Variants in ADAMTS20 observed in about 807,000 individuals in gnomAD.
ADAMTS20 encodes the protein ADAM metallopeptidase with thrombospondin type 1 motif 20, also known as A disintegrin and metalloproteinase with thrombospondin motifs 20.
A neutral mutation model predicts 260.1 loss-of-function variants in ADAMTS20; 225 were observed. The ratio of observed to expected loss-of-function variants is 0.87; its 90% CI spans 0.78 to 0.97. The LOEUF (loss-of-function observed/expected upper bound fraction) is 0.97. Among genes scored for constraint, ADAMTS20 ranks in the 50% least tolerant of loss-of-function variants. The probability of loss-of-function intolerance (pLI) is 0.00; values close to 1 mark genes in which losing one functional copy is unlikely to be tolerated. For synonymous variants in ADAMTS20, 802 were observed against 769.5 expected (o/e 1.04, Z -0.70); for missense variants, 2,400 against 2,337.7 (o/e 1.03, Z -0.55).
Position 43,439,623 on chromosome 12 carries a change from T to C in ADAMTS20, c.2592A>G (p.Gln864=). 6.2e-7 allele frequency: 1 copy of C among 1,603,792 alleles called. No individual in the cohort carries two copies. The highest frequency in any genetic ancestry group is 8.5e-7 in the Non-Finnish European group (1 of 1,177,158). Residue 864 remains glutamine (Q), a splice_region_variant and synonymous_variant, in exon 18 of 39, where the codon CAA becomes CAG. Transcript: ENST00000389420. ...CTCCCTTATTGAATGCCAGCGTACCTTGACACATTTTGGTACAGCCTTCCC... is the reference window on the plus strand; with the variant it reads ...CTCCCTTATTGAATGCCAGCGTACCCTGACACATTTTGGTACAGCCTTCCC... ...GPWEGCTKMC[Q]GLQRRNITCI... is the part of the protein sequence containing the mutation.
At chr12:43,512,714 G>C (rs1174738889) in intron 3 of ADAMTS20, among the ~76,000 whole-genome samples, 1 of 152,134 alleles carries the variant, frequency 6.6e-6, no homozygotes, top group Non-Finnish European at 1.5e-5. Context: ...AGTCTTCCTT[G>C]CATCCCCTGA....
intron 29 of ADAMTS20, among the ~76,000 whole-genome samples, chr12:43,391,731 GTAAC>G (rs987036465): frequency 6.6e-6 from 1 of 151,952 alleles, no homozygotes; most frequent in African/African-American, 2.4e-5. Context: ...GGATTCCAGA[GTAAC>G]TAATTTCCTT....
chr12:43,355,003 C>G (rs1939713669), intron 38 of ADAMTS20, among the ~76,000 whole-genome samples: 2 of 152,252 alleles, frequency 1.3e-5, no homozygotes, highest in Admixed American at 1.3e-4. Flanking sequence ...AAAGTCAAGA[C>G]TGAAGACATT....
At chr12:43,458,108 A>G (rs1941998196) in intron 11 of ADAMTS20, among the ~76,000 whole-genome samples, 1 of 152,224 alleles carries the variant, frequency 6.6e-6, no homozygotes, top group South Asian at 2.1e-4. Flanking sequence ...ATGAGACATC[A>G]GTCAATACAT....
chr12:43,425,654 G>C lies in ADAMTS20; in HGVS notation c.4144C>G (p.Leu1382Val). 2.5e-6 allele frequency: 4 copies of C among 1,606,492 alleles called. No homozygotes were observed. Among genetic ancestry groups the C allele is most frequent in the Non-Finnish European group, 3.4e-6 (4 of 1,175,760 alleles). ...CCATTGGGAAATTGACATATTACAA[G>C]TCTTGATTTTATTCCTCCTCCACAT... ...QTCGGGIKSR[L>V]VICQFPNGQI... The change falls in exon 28 of 39, where the codon CTT (leucine) becomes GTT (valine). Residue 1382 changes from leucine (L) to valine (V), a missense_variant. Transcript: ENST00000389420.
intron 2 of ADAMTS20, among the ~76,000 whole-genome samples, chr12:43,546,850 G>T (rs1329462541): frequency 2.0e-5 from 3 of 152,002 alleles, no homozygotes; most frequent in African/African-American, 7.3e-5. Flanking sequence ...TGAATTATGG[G>T]ATGAATAAAT....
chr12:43,552,019 C>G lies in ADAMTS20; in HGVS notation c.-98G>C. On this transcript the variant is annotated 5_prime_UTR_variant, in exon 1 of 39. Coordinates refer to ENST00000389420, the MANE Select transcript of ADAMTS20 (RefSeq NM_025003.5). ...TCCGATCCCTCTCCTCCCTCTCGCCCGCCGCTCTCCGCGCCTCAGCAGCCT... is the reference window on the plus strand; with the variant it reads ...TCCGATCCCTCTCCTCCCTCTCGCCGGCCGCTCTCCGCGCCTCAGCAGCCT... 1 of 1,003,032 alleles carries G rather than the reference C, an allele frequency of 1.0e-6. No homozygotes were observed. Among genetic ancestry groups the G allele is most frequent in the Non-Finnish European group, 1.5e-6 (1 of 652,764 alleles). 62.1% of individuals were successfully genotyped at this position (1,003,032 alleles called of 1,614,324 possible).
At position 43,551,777 on chromosome 12, in the gene ADAMTS20, A is replaced by C; in HGVS notation, c.91+54T>G. On this transcript the variant is annotated intron_variant, in intron 1 of 38. Transcript: ENST00000389420. This position sits in a 1 kb window ranked among gnomAD's most constrained non-coding sequence, Gnocchi z 4.6. The stretch of plus-strand genomic sequence containing the variant: ...CTCGTCCCCGCGACCTGCATGTCCC[A>C]CTCGGGCCCCGCGCCCCCACTTAGC... 1 of 1,573,614 alleles carries C rather than the reference A, an allele frequency of 6.4e-7. No individual in the cohort carries two copies. Among genetic ancestry groups the C allele is most frequent in the Non-Finnish European group, 8.7e-7 (1 of 1,147,384 alleles).
chr12:43,487,566 A>G (rs558201792), intron 7 of ADAMTS20, among the ~76,000 whole-genome samples: 2 of 148,340 alleles, frequency 1.3e-5, no homozygotes, highest in South Asian at 4.6e-4. Flanking sequence ...ACTTGTATCC[A>G]TGAAACTATT....
rs1943518236 is a variant in ADAMTS20, at chr12:43,551,598, C to A, written c.91+233G>T. Among the ~76,000 whole-genome samples, 1 of 152,222 alleles carries A rather than the reference C, an allele frequency of 6.6e-6. No individual in the cohort carries two copies. The highest frequency in any genetic ancestry group is 2.1e-4 in the South Asian group (1 of 4,836). ...CCCTCCGGGTGCAAGCGACCCCCTG[C>A]CCCTTGCGCCCCCGCCGTGTGGTCC... On this transcript the variant is annotated intron_variant, in intron 1 of 38. Transcript: ENST00000389420. The surrounding 1 kb of genome is among the most constrained non-coding windows in gnomAD (Gnocchi z 4.6).
rs1344487512 is a variant in ADAMTS20, at chr12:43,439,909, T to C, written c.2451A>G (p.Glu817=). The change falls in exon 17 of 39, where the codon GAA becomes GAG. Residue 817 remains glutamate (E), a synonymous_variant. Coordinates refer to ENST00000389420, the MANE Select transcript of ADAMTS20 (RefSeq NM_025003.5). ...ACTGAGAATTTACCTGCAAAATAAG[T>C]TCTTTCTCTTGTCGATTAGTACTAT... ...RINSTNRQEK[E]LILQVLCVGN... 38 of 1,604,746 alleles carry C rather than the reference T, an allele frequency of 2.4e-5. No individual in the cohort carries two copies. The highest frequency in any genetic ancestry group is 3.2e-5 in the Non-Finnish European group (38 of 1,175,560).
intron 28 of ADAMTS20, among the ~76,000 whole-genome samples, chr12:43,402,039 A>C (rs1940820521): frequency 6.6e-6 from 1 of 151,958 alleles, no homozygotes; most frequent in Non-Finnish European, 1.5e-5. Context: ...GGGTAAATAC[A>C]CATCAATCTT....
intron 7 of ADAMTS20, among the ~76,000 whole-genome samples, chr12:43,470,249 T>C (rs1177947104): frequency 1.3e-5 from 2 of 152,336 alleles, no homozygotes; most frequent in Non-Finnish European, 2.9e-5. Flanking sequence ...GATTTATTAG[T>C]ATTTTCAATT....
At chr12:43,540,483 G>A (rs971006871) in intron 2 of ADAMTS20, among the ~76,000 whole-genome samples, 3 of 152,208 alleles carry the variant, frequency 2.0e-5, no homozygotes, top group African/African-American at 7.2e-5. Context: ...AGACTTAGAA[G>A]TATTTTGCCC....
At chr12:43,404,953 A>G (rs1445970537) in intron 28 of ADAMTS20, among the ~76,000 whole-genome samples, 1 of 152,056 alleles carries the variant, frequency 6.6e-6, no homozygotes, top group Non-Finnish European at 1.5e-5. Flanking sequence ...CAAACTTTCA[A>G]TGAGTGAATT....
Position 43,376,066 on chromosome 12 carries a change from T to C in ADAMTS20, c.5303A>G (p.Tyr1768Cys). Residue 1768 changes from tyrosine to cysteine, a missense_variant, in exon 35 of 39, where the codon TAT becomes TGT. Physicochemically the swap from Tyr to Cys is radical, Grantham distance 194. Transcript: ENST00000389420. ...VQGEENFSEV[Y>C]GFRLKNPYQC... ...AAAACACATCTCGTACCTAAAGCCA[T>C]ACACTTCAGAAAAGTTTTCTTCACC... 1.9e-6 allele frequency: 3 copies of C among 1,607,716 alleles called. No homozygotes were observed. The highest frequency in any genetic ancestry group is 1.1e-5 in the South Asian group (1 of 89,318).
intron 19 of ADAMTS20, among the ~76,000 whole-genome samples, chr12:43,433,267 A>G (rs1403933005): frequency 6.6e-6 from 1 of 152,222 alleles, no homozygotes; most frequent in African/African-American, 2.4e-5. Flanking sequence ...TTTCTCATTC[A>G]TTCCTGTAAT....
chr12:43,384,207 T>C (rs1168536642), intron 29 of ADAMTS20, among the ~76,000 whole-genome samples: 2 of 152,232 alleles, frequency 1.3e-5, no homozygotes, highest in Non-Finnish European at 2.9e-5. Flanking sequence ...GACAAGCGAA[T>C]CAAGTTATAG....
chr12:43,484,925 G>C (rs1416520941), intron 7 of ADAMTS20, among the ~76,000 whole-genome samples: 1 of 151,964 alleles, frequency 6.6e-6, no homozygotes, highest in Non-Finnish European at 1.5e-5. Context: ...TCAACATGTA[G>C]GAAAGAACCT....
Sources: gnomAD v4.1 joint callset for allele counts (sites outside exome capture counted in the v4.1 genomes callset) on GRCh38, gnomAD v4.1.1 for gene constraint, Gnocchi (gnomAD v3.1) non-coding constraint, MANE v1.5 for transcripts, NCBI Gene and HGNC (gene_info 2026-07-23, HGNC 2026-07-21) for gene names.